The following ZNF195 variants were observed in gnomAD, a reference collection of about 807,000 sequenced individuals.
ZNF195 encodes the protein zinc finger protein 195, also known as hypoxia-regulated factor-1.
In ZNF195, 11 loss-of-function variants were observed where a neutral mutation model predicts 19.5. The ratio of observed to expected loss-of-function variants is 0.57; its 90% CI spans 0.36 to 0.94. The LOEUF is 0.94. ZNF195 is among the 40% of genes least tolerant of loss of function. ZNF195 has a pLI of 0.01. For missense variants in ZNF195, 582 were observed against 709.0 expected, an observed-to-expected ratio of 0.82 and a Z score of 2.03; for synonymous variants, 214 against 248.1, an observed-to-expected ratio of 0.86 and a Z score of 1.29.
In ZNF195 at chr11:3,358,889, C is replaced by A. The variant is rs1024584464; in HGVS notation, c.*229G>T. On this transcript the variant is annotated 3_prime_UTR_variant, in exon 6 of 6. Transcript: ENST00000399602. ...TTATGAGATTTGTTGGGTTTCTCTA[C>A]AAATTTTCTGAAAGTTTAAGCAACT... is the stretch of plus-strand genomic sequence containing the variant. 6 of 470,158 alleles carry A rather than the reference C, an allele frequency of 1.3e-5. No homozygotes were observed. The Admixed American group carries it at 2.0e-4, about 16-fold the overall frequency. The allele number at this position is 470,158 out of a possible 1,614,324, so 29.1% of individuals were successfully genotyped here.
rs141254281 is a variant in ZNF195, at chr11:3,372,151, A to G, written c.4-448T>C. On this transcript the variant is annotated intron_variant, in intron 1 of 5. Transcript: ENST00000399602. ...ATGCCAGTCCTTTGGGCCCAAGGAC[A>G]ATATTTTGTCAAAAATCCTGTAAGT... 3.7e-3 allele frequency among the ~76,000 whole-genome samples: 568 copies of G among 152,336 alleles called. 3 individuals are homozygous for G. The highest frequency in any genetic ancestry group is 0.013 in the African/African-American group (549 of 41,572).
intron 1 of ZNF195, among the ~76,000 whole-genome samples, chr11:3,375,267 C>A (rs1036744741): frequency 1.3e-5 from 2 of 152,138 alleles, no homozygotes; most frequent in African/African-American, 4.8e-5. Flanking sequence ...AACTGCCCCC[C>A]ACCCCAAAAT....
intron 1 of ZNF195, among the ~76,000 whole-genome samples, chr11:3,374,530 C>T (rs937476139): frequency 3.3e-5 from 5 of 152,242 alleles, no homozygotes; most frequent in Non-Finnish European, 7.3e-5. Context: ...AATGTGTACA[C>T]ACGTATGAAT....
intron 1 of ZNF195, chr11:3,377,854 C>G: frequency 1.0e-6 from 1 of 988,690 alleles, no homozygotes; most frequent in Non-Finnish European, 1.2e-6. Context: ...TGTCAAGTTT[C>G]CAAAGTGGAA....
chr11:3,377,460 C>T (rs547804350), intron 1 of ZNF195, among the ~76,000 whole-genome samples: 15 of 152,336 alleles, frequency 9.8e-5, no homozygotes, highest in African/African-American at 3.6e-4. Context: ...CTCTTTGAAA[C>T]ATTCTGTCTC....
At chr11:3,362,684 G>C in intron 3 of ZNF195, 1 of 416,258 alleles carries the variant, frequency 2.4e-6, no homozygotes. Flanking sequence ...AAGAGAGAAA[G>C]AAAAAGCTAC....
At chr11:3,370,367 C>T (rs1362039274) in intron 3 of ZNF195, among the ~76,000 whole-genome samples, 2 of 152,054 alleles carry the variant, frequency 1.3e-5, no homozygotes, top group African/African-American at 4.8e-5. Flanking sequence ...AAATGACCAA[C>T]CTCAGCTCAT....
rs1375812443 is a variant in ZNF195, at chr11:3,360,280, G to A, written c.728C>T (p.Pro243Leu). 2 of 1,612,128 alleles carry A rather than the reference G, an allele frequency of 1.2e-6. No homozygotes were observed. The highest frequency in any genetic ancestry group is 1.3e-5 in the African/African-American group (1 of 74,830). The change falls in exon 6 of 6, where the codon CCT becomes CTT. Residue 243 changes from proline to leucine, a missense_variant. Pro to Leu is a moderately conservative substitution (Grantham distance 98). Transcript: ENST00000399602. ...TTTGCCACATTCTTGACATTTGAAA[G>A]GTTTCTCTCCAGTATTACTTATATT... ...RRNISNTGEK[P>L]FKCQECGKSF...
chr11:3,370,209 T>C (rs1014776741), intron 3 of ZNF195, among the ~76,000 whole-genome samples: 5 of 10,182 alleles, frequency 4.9e-4, no homozygotes, highest in Non-Finnish European at 1.4e-3. Flanking sequence ...CACACATATA[T>C]ACACACATAT....
At chr11:3,367,170 G>A (rs963870654) in intron 3 of ZNF195, 49 of 267,630 alleles carry the variant, frequency 1.8e-4, no homozygotes, top group Non-Finnish European at 2.7e-4. Context: ...AAGCAACTCA[G>A]GACTTAGAAG....
intron 1 of ZNF195, chr11:3,373,691 C>CTA: frequency 6.7e-7 from 1 of 1,488,398 alleles, no homozygotes; most frequent in Non-Finnish European, 9.1e-7. Flanking sequence ...AAGGTGTTAG[C>CTA]ACAACCCCTT....
intron 3 of ZNF195, among the ~76,000 whole-genome samples, chr11:3,367,608 A>C (rs1848964602): frequency 6.6e-6 from 1 of 152,138 alleles, no homozygotes; most frequent in Non-Finnish European, 1.5e-5. Flanking sequence ...CAAATTTAAA[A>C]TGCTGCCATC....
At chr11:3,378,889 GC>G in intron 1 of ZNF195, 148 bp downstream of exon 1, 1 of 1,027,792 alleles carries the variant, frequency 9.7e-7, no homozygotes, top group Non-Finnish European at 1.3e-6. Context: ...GCCGGGGCGC[GC>G]GGGGCCCGGC....
At chr11:3,371,121 T>C (rs2269735) in intron 2 of ZNF195, 51 bp from the exon 3 acceptor site, 1,197,021 of 1,568,724 alleles carry the variant, frequency 0.76, 459,420 homozygotes, top group Middle Eastern at 0.82. Context: ...TCTCCAATTA[T>C]CAACCTTGTA....
chr11:3,359,551 C>A lies in ZNF195; in HGVS notation c.1457G>T (p.Arg486Ile). Residue 486 changes from arginine (R) to isoleucine (I), a missense_variant, in exon 6 of 6, where the codon AGA becomes ATA. Transcript: ENST00000399602. The surrounding 1 kb of genome is among the most constrained non-coding windows in gnomAD (Gnocchi z 5.5). ...GTAGGGTTTTTCTTCAGAATGAGTT[C>A]TCTTATGGTTAGAAAGGCTTGAGCA... ...RTCSSLSNHK[R>I]THSEEKPYTC... The A allele has an allele frequency of 6.2e-7, 1 of 1,614,026 alleles. No individual in the cohort carries two copies. The highest frequency in any genetic ancestry group is 8.5e-7 in the Non-Finnish European group (1 of 1,179,986).
chr11:3,358,972 TG>T lies in ZNF195; in HGVS notation c.*145del. On this transcript the variant is annotated 3_prime_UTR_variant, in exon 6 of 6. Transcript: ENST00000399602. ...ATTTTTTTCAGAAGAAATACTCTTG[TG>T]TGCTCTGGAGACTTATATTTCATGA... 1 of 1,053,930 alleles carries T rather than the reference TG, an allele frequency of 9.5e-7. No individual in the cohort carries two copies. The highest frequency in any genetic ancestry group is 1.2e-6 in the Non-Finnish European group (1 of 804,204). 65.3% of individuals were successfully genotyped at this position (1,053,930 alleles called of 1,614,324 possible). A position where few individuals can be genotyped will look rare whatever the true frequency, so the allele number is the denominator to read the frequency against.
chr11:3,372,670 A>ATATCTCCCAGGTTCTGACAAATAAG (rs2133725018), intron 1 of ZNF195, among the ~76,000 whole-genome samples: 1 of 152,172 alleles, frequency 6.6e-6, no homozygotes, highest in African/African-American at 2.4e-5. Flanking sequence ...TGACAAATAA[A>ATATCTCCCAGGTTCTGACAAATAAG]TATCTCCTAT....
At chr11:3,370,830 A>G in intron 3 of ZNF195, 145 bp downstream of exon 3, 1 of 700,740 alleles carries the variant, frequency 1.4e-6, no homozygotes, top group Non-Finnish European at 2.5e-6. Flanking sequence ...AGACGCTCCT[A>G]GGGTACAGCA....
chr11:3,362,238 G>A (rs1308688412), intron 3 of ZNF195, among the ~76,000 whole-genome samples: 3 of 152,106 alleles, frequency 2.0e-5, no homozygotes, highest in Non-Finnish European at 4.4e-5. Flanking sequence ...AATGGTAAAA[G>A]GAGTCCTTTC....
Sources: gnomAD v4.1 joint callset for allele counts (sites outside exome capture counted in the v4.1 genomes callset) on GRCh38, gnomAD v4.1.1 for gene constraint, Gnocchi (gnomAD v3.1) non-coding constraint, MANE v1.5 for transcripts, NCBI Gene and HGNC (gene_info 2026-07-23, HGNC 2026-07-21) for gene names.